CHFR: variants seen among roughly 807,000 people sequenced by gnomAD.
CHFR encodes the protein checkpoint with forkhead and ring finger domains, also known as E3 ubiquitin-protein ligase CHFR.
CHFR carries 57 observed loss-of-function variants against 87.6 expected under a neutral mutation model. The observed-to-expected ratio is 0.65, with a 90% confidence interval of 0.53 to 0.81. The LOEUF (loss-of-function observed/expected upper bound fraction) is 0.81. CHFR is among the 30% of genes least tolerant of loss of function. CHFR has a pLI of 0.00. For missense variants in CHFR, 797 were observed against 865.8 expected, an observed-to-expected ratio of 0.92 and a Z score of 1.00; for synonymous variants, 381 against 359.2, an observed-to-expected ratio of 1.06 and a Z score of -0.69.
intron 6 of CHFR, chr12:132,867,108 G>A (rs1951362923): frequency 6.6e-6 from 1 of 152,396 alleles, no homozygotes; most frequent in South Asian, 2.1e-4. Context: ...AAGAAGGAAG[G>A]AGCGGATGCA....
intron 7 of CHFR, 64 bp from the exon 8 acceptor site, chr12:132,859,291 G>T: frequency 6.7e-7 from 1 of 1,481,638 alleles, no homozygotes; most frequent in Non-Finnish European, 9.3e-7. Context: ...TTCAGGTCAA[G>T]GTCCCCGTCC....
chr12:132,858,084 G>A (rs1278444784), intron 8 of CHFR, among the ~76,000 whole-genome samples: 1 of 152,170 alleles, frequency 6.6e-6, no homozygotes, highest in Non-Finnish European at 1.5e-5. Flanking sequence ...TAGCCATGCG[G>A]GGTGGCTCAC....
intron 5 of CHFR, 52 bp downstream of exon 5, chr12:132,870,672 G>A: frequency 4.7e-6 from 6 of 1,271,264 alleles, no homozygotes; most frequent in Middle Eastern, 3.7e-4. Context: ...AACACAAAAG[G>A]AATGCTATAG....
Position 132,848,148 on chromosome 12 carries a change from G to T in CHFR, c.1584C>A (p.Asn528Lys), listed in dbSNP as rs200853567. Residue 528 changes from asparagine to lysine, a missense_variant, in exon 14 of 18, where the codon AAC becomes AAA. Transcript: ENST00000450056. ...CGCCGTCCAGACACTTGTCACCCAG[G>T]TTGAGCTCTGCCGAGATGAAGGGGC... ...YGCLAPFCEL[N>K]LGDKCLDGVL... The T allele has an allele frequency of 1.2e-6, 2 of 1,614,140 alleles. No homozygotes were observed. The highest frequency in any genetic ancestry group is 1.3e-5 in the African/African-American group (1 of 75,042).
chr12:132,844,068 G>A lies in CHFR; in HGVS notation c.1802C>T (p.Thr601Ile), dbSNP rs764448295. The A allele has an allele frequency of 3.1e-6, 5 of 1,613,732 alleles. No individual in the cohort carries two copies. The East Asian group carries it at 1.1e-4, about 36-fold the overall frequency. ...CCGLRSFREL[T>I]YQYRQNIPAS... ...AGGAATGTTCTGCCGATACTGATAG[G>A]TCAGCTCACGGAAGCTGCGCAGGCC... Residue 601 changes from threonine to isoleucine, a missense_variant, in exon 16 of 18, where the codon ACC (threonine) becomes ATC (isoleucine). Physicochemically the swap from Thr to Ile is moderately conservative, Grantham distance 89 (BLOSUM62 -1). Transcript: ENST00000450056.
chr12:132,866,220 A>G (rs1029827918), intron 6 of CHFR: 1 of 152,214 alleles, frequency 6.6e-6, no homozygotes, highest in African/African-American at 2.4e-5. Context: ...AGTGTCCCCA[A>G]TTAGCACCTG....
At chr12:132,874,914 G>A (rs1593518615) in intron 3 of CHFR, among the ~76,000 whole-genome samples, 1 of 150,210 alleles carries the variant, frequency 6.7e-6, no homozygotes, top group Non-Finnish European at 1.5e-5. Flanking sequence ...GGGAAGCCAG[G>A]CCCTGATGTA....
Position 132,848,657 on chromosome 12 carries a change from G to A in CHFR, c.1560C>T (p.Cys520=), listed in dbSNP as rs189987561. 27 of 1,592,158 alleles carry A rather than the reference G, an allele frequency of 1.7e-5. No homozygotes were observed. The highest frequency in any genetic ancestry group is 6.9e-5 in the East Asian group (3 of 43,682). The change falls in exon 13 of 18, where the codon TGC becomes TGT. Residue 520 remains cysteine (C), a synonymous_variant. Coordinates refer to ENST00000450056, the MANE Select transcript of CHFR (RefSeq NM_001161346.2). ...CAGTATTACCACAAAACGGGGCCAG[G>A]CAGCCGTAGCAGCCGGTCCGGGTGC... The part of the protein sequence containing the change: ...WGCTRTGCYG[C]LAPFCELNLG...
chr12:132,857,172 C>T (rs572098477), intron 9 of CHFR, among the ~76,000 whole-genome samples: 58 of 142,332 alleles, frequency 4.1e-4, no homozygotes, highest in African/African-American at 1.4e-3. Flanking sequence ...GGTGGATGCC[C>T]TCACGTGCCC....
At chr12:132,843,224 AC>A (rs1950739259) in intron 16 of CHFR, 141 bp from the exon 17 acceptor site, 1 of 742,740 alleles carries the variant, frequency 1.3e-6, no homozygotes, top group South Asian at 1.6e-5. Context: ...GTTTCCTCGG[AC>A]CGTTCTGAGA....
At chr12:132,887,505 C>A in intron 1 of CHFR, 42 bp downstream of exon 1, 1 of 230,060 alleles carries the variant, frequency 4.3e-6, no homozygotes, top group South Asian at 1.4e-4. Context: ...AACCAGGTCC[C>A]CCTTCGCCGC....
At chr12:132,879,379 T>G (rs1364825468) in intron 2 of CHFR, among the ~76,000 whole-genome samples, 1 of 151,236 alleles carries the variant, frequency 6.6e-6, no homozygotes, top group African/African-American at 2.4e-5. Flanking sequence ...TTCTGACACT[T>G]TGGGATTTTT....
At chr12:132,851,990 CT>C (rs899111451) in intron 11 of CHFR, among the ~76,000 whole-genome samples, 27 of 144,028 alleles carry the variant, frequency 1.9e-4, no homozygotes, top group East Asian at 4.7e-4. Flanking sequence ...TGCAAGTTCT[CT>C]TTTTTTTTTT....
chr12:132,881,844 G>A (rs1302954432), intron 2 of CHFR, among the ~76,000 whole-genome samples: 1 of 144,162 alleles, frequency 6.9e-6, no homozygotes, highest in Non-Finnish European at 1.5e-5. Context: ...AATCCAGCCT[G>A]GCGACAGGGC....
Position 132,862,280 on chromosome 12 carries a change from A to G in CHFR, c.584-646T>C, listed in dbSNP as rs560323066. The G allele has an allele frequency of 3.2e-3, 817 of 254,750 alleles. 3 individuals are homozygous for G. The highest frequency in any genetic ancestry group is 4.6e-3 in the Non-Finnish European group (580 of 126,912). The allele number at this position is 254,750 out of a possible 1,614,324, so 15.8% of individuals were successfully genotyped here. A position where few individuals can be genotyped will look rare whatever the true frequency, so the allele number is the denominator to read the frequency against. Reference sequence around the variant, plus strand: ...ACAAGAGCGAAACTCCCTCTGGGGAAAAAAAAATAAAAATAAAAAATAGAG... The same window carrying G: ...ACAAGAGCGAAACTCCCTCTGGGGAGAAAAAAATAAAAATAAAAAATAGAG... On this transcript the variant is annotated intron_variant, in intron 6 of 17. Coordinates refer to ENST00000450056, the MANE Select transcript of CHFR (RefSeq NM_001161346.2).
intron 16 of CHFR, 101 bp downstream of exon 16, chr12:132,843,926 G>T: frequency 1.4e-6 from 1 of 701,808 alleles, no homozygotes; most frequent in Non-Finnish European, 2.5e-6. Context: ...TCCAGCCTGG[G>T]CAAAAACAGC....
At chr12:132,861,905 A>G in intron 6 of CHFR, 1 of 437,368 alleles carries the variant, frequency 2.3e-6, no homozygotes. Flanking sequence ...TTAGCCCTCG[A>G]GCACCGAGTC....
chr12:132,859,177 T>A lies in CHFR; in HGVS notation c.802A>T (p.Asn268Tyr). 6.2e-7 allele frequency: 1 copy of A among 1,614,018 alleles called. No homozygotes were observed. The highest frequency in any genetic ancestry group is 8.5e-7 in the Non-Finnish European group (1 of 1,179,944). ...GQLLVAQPRRNAQTVHEDVRA... is the reference protein window; with the variant it reads ...GQLLVAQPRRYAQTVHEDVRA... ...ACGTCCTCGTGGACGGTTTGGGCAT[T>A]TCTACGCGGTTGTGCGACCAACAAC... Residue 268 changes from asparagine (N) to tyrosine (Y), a missense_variant, in exon 8 of 18, where the codon AAT becomes TAT. Transcript: ENST00000450056.
chr12:132,855,736 G>A (rs1298018382), intron 10 of CHFR, among the ~76,000 whole-genome samples: 3 of 152,152 alleles, frequency 2.0e-5, no homozygotes, highest in African/African-American at 7.2e-5. Context: ...ACACACGTAT[G>A]AATGGCTGGG....
Sources: gnomAD v4.1 joint callset for allele counts (sites outside exome capture counted in the v4.1 genomes callset) on GRCh38, gnomAD v4.1.1 for gene constraint, MANE v1.5 for transcripts, NCBI Gene and HGNC (gene_info 2026-07-23, HGNC 2026-07-21) for gene names.